The following VAT1L variants were observed in gnomAD, a reference collection of about 807,000 sequenced individuals.
The protein encoded by VAT1L is vesicle amine transport 1 like, also known as putative NADPH-dependent quinone oxidoreductase VAT1L.
VAT1L carries 34 observed loss-of-function variants against 44.1 expected under a neutral mutation model. The observed-to-expected ratio is 0.77, with a 90% CI of 0.59 to 1.03. The LOEUF is 1.03. Among genes scored for constraint, VAT1L ranks in the 50% least tolerant of loss-of-function variants. VAT1L has a pLI of 0.00. For synonymous variants in VAT1L, 253 were observed against 202.2 expected (o/e 1.25, Z -2.13); for missense variants, 615 against 538.8 (o/e 1.14, Z -1.40).
At chr16:77,845,925 G>C (rs537222970) in intron 3 of VAT1L, among the ~76,000 whole-genome samples, 104 of 152,222 alleles carry the variant, frequency 6.8e-4, no homozygotes, top group Middle Eastern at 3.4e-3. Context: ...CCATCCAGCA[G>C]CTATGCCTTA....
chr16:77,968,014 T>A lies in VAT1L; in HGVS notation c.1078-3836T>A, dbSNP rs112574563. The stretch of plus-strand genomic sequence containing the variant: ...GGTAAATTGCTTCTATTTTTGAGCA[T>A]CAGGGTACATTATCTGTAAAATGGG... On this transcript the variant is annotated intron_variant, in intron 7 of 8. Transcript: ENST00000302536. 6.6e-3 allele frequency among the ~76,000 whole-genome samples: 1,009 copies of A among 152,316 alleles called. 15 individuals are homozygous for A. Among genetic ancestry groups the A allele is most frequent in the African/African-American group, 0.023 (949 of 41,564 alleles).
intron 4 of VAT1L, among the ~76,000 whole-genome samples, chr16:77,870,210 T>C (rs1230317796): frequency 6.6e-6 from 1 of 152,174 alleles, no homozygotes; most frequent in East Asian, 1.9e-4. Flanking sequence ...GTAGGCATTG[T>C]GTCCAGTCCT....
Position 77,847,401 on chromosome 16 carries a change from T to C in VAT1L, c.580-15347T>C, listed in dbSNP as rs2016768629. Among the ~76,000 whole-genome samples the C allele has an allele frequency of 1.3e-5, 2 of 152,154 alleles. 1 individual carries two copies. Among genetic ancestry groups the C allele is most frequent in the South Asian group, 4.2e-4 (2 of 4,816 alleles). Reference sequence around the variant, plus strand: ...GTGCTTCTGACGTATAAACCTGTGGTCCTGGAAACGTATTGCCCTCATCCT... The same window carrying C: ...GTGCTTCTGACGTATAAACCTGTGGCCCTGGAAACGTATTGCCCTCATCCT... On this transcript the variant is annotated intron_variant, in intron 3 of 8. Transcript: ENST00000302536.
At chr16:77,792,570 G>A (rs2015854294) in intron 1 of VAT1L, among the ~76,000 whole-genome samples, 1 of 152,046 alleles carries the variant, frequency 6.6e-6, no homozygotes, top group East Asian at 1.9e-4. Flanking sequence ...GTCATTGGCT[G>A]TGAGCTACTT....
At chr16:77,964,377 TCCCTTCTTTAGCTTCCAGAGG>T (rs1311313359) in intron 7 of VAT1L, among the ~76,000 whole-genome samples, 3 of 152,192 alleles carry the variant, frequency 2.0e-5, no homozygotes, top group Non-Finnish European at 4.4e-5. Flanking sequence ...TTTATTTCCT[TCCCTTCTTTAGCTTCCAGAGG>T]CCACGTGCGT....
At chr16:77,890,040 T>C (rs1274164974) in intron 7 of VAT1L, among the ~76,000 whole-genome samples, 1 of 152,054 alleles carries the variant, frequency 6.6e-6, no homozygotes, top group East Asian at 1.9e-4. Flanking sequence ...TGTGCCAAGA[T>C]TGTGCCACTG....
intron 1 of VAT1L, among the ~76,000 whole-genome samples, chr16:77,802,142 C>T (rs1295770383): frequency 6.6e-6 from 1 of 152,206 alleles, no homozygotes; most frequent in East Asian, 1.9e-4. Flanking sequence ...CTGTCCTCAG[C>T]CAGCAGCACA....
chr16:77,923,484 C>G (rs2017634208), intron 7 of VAT1L, among the ~76,000 whole-genome samples: 1 of 152,070 alleles, frequency 6.6e-6, no homozygotes, highest in Non-Finnish European at 1.5e-5. Context: ...CTCAGGGGCC[C>G]AGAATCAGGT....
Position 77,949,434 on chromosome 16 carries a change from T to A in VAT1L, c.1078-22416T>A, listed in dbSNP as rs2018013372. On this transcript the variant is annotated intron_variant, in intron 7 of 8. Transcript: ENST00000302536. Reference sequence around the variant, plus strand: ...AAAGAATAGGCAATGTGCTAAGAGTTTGGATGTTTGTTCCCCAAACCTCAT... The same window carrying A: ...AAAGAATAGGCAATGTGCTAAGAGTATGGATGTTTGTTCCCCAAACCTCAT... 2.0e-5 allele frequency among the ~76,000 whole-genome samples: 3 copies of A among 152,282 alleles called. No individual in the cohort carries two copies. The South Asian group carries it at 6.2e-4, about 32-fold the overall frequency.
chr16:77,938,566 G>A (rs1405310575), intron 7 of VAT1L, among the ~76,000 whole-genome samples: 1 of 152,018 alleles, frequency 6.6e-6, no homozygotes, highest in African/African-American at 2.4e-5. Context: ...AAAAGTGTGT[G>A]GCACTTCCCC....
intron 7 of VAT1L, among the ~76,000 whole-genome samples, chr16:77,948,857 C>T (rs938865701): frequency 1.3e-5 from 2 of 152,140 alleles, no homozygotes; most frequent in Non-Finnish European, 2.9e-5. Context: ...ATGGTACATT[C>T]CTCATAGGGT....
intron 7 of VAT1L, among the ~76,000 whole-genome samples, chr16:77,967,442 T>C (rs2018235081): frequency 6.6e-6 from 1 of 152,168 alleles, no homozygotes; most frequent in African/African-American, 2.4e-5. Context: ...TCAAGAACAA[T>C]ATCATTTCTT....
At chr16:77,969,860 G>T (rs1237364447) in intron 7 of VAT1L, among the ~76,000 whole-genome samples, 1 of 151,814 alleles carries the variant, frequency 6.6e-6, no homozygotes, top group Non-Finnish European at 1.5e-5. Flanking sequence ...AAAAATAAAA[G>T]GAATCTACTG....
intron 2 of VAT1L, among the ~76,000 whole-genome samples, chr16:77,820,964 G>T (rs770065815): frequency 6.6e-6 from 1 of 152,182 alleles, no homozygotes; most frequent in Non-Finnish European, 1.5e-5. Flanking sequence ...GCAGACACTG[G>T]TTTTCCCCTT....
intron 7 of VAT1L, among the ~76,000 whole-genome samples, chr16:77,916,751 T>A (rs1013081677): frequency 6.6e-6 from 1 of 151,824 alleles, no homozygotes; most frequent in Non-Finnish European, 1.5e-5. Context: ...CATTGCTTTT[T>A]AAATTTACTC....
At chr16:77,955,728 C>G (rs369820827) in intron 7 of VAT1L, among the ~76,000 whole-genome samples, 7 of 100,012 alleles carry the variant, frequency 7.0e-5, no homozygotes, top group Non-Finnish European at 1.1e-4. Flanking sequence ...ATCCCCCCCC[C>G]CAAAAAAAAA....
chr16:77,931,158 A>G (rs760247604), intron 7 of VAT1L, among the ~76,000 whole-genome samples: 4 of 152,204 alleles, frequency 2.6e-5, no homozygotes, highest in Non-Finnish European at 4.4e-5. Context: ...CCTCGATAGA[A>G]TTATGACTCT....
At chr16:77,922,180 G>A (rs957715861) in intron 7 of VAT1L, among the ~76,000 whole-genome samples, 15 of 149,948 alleles carry the variant, frequency 1.0e-4, no homozygotes, top group African/African-American at 2.5e-4. Context: ...TTGGGATGGC[G>A]GGCGGGGGTG....
rs149032178 is a variant in VAT1L, at chr16:77,908,007, G to A, written c.1077+23205G>A. Among the ~76,000 whole-genome samples the A allele has an allele frequency of 4.6e-5, 7 of 152,270 alleles. 2 individuals carry two copies. Among genetic ancestry groups the A allele is most frequent in the African/African-American group, 2.4e-5 (1 of 41,552 alleles). Reference sequence around the variant, plus strand: ...TGTAATCCCAGCACTTTGGGAACCCGAGGCAAGTGGATCACCAGGTCAGGA... The same window carrying A: ...TGTAATCCCAGCACTTTGGGAACCCAAGGCAAGTGGATCACCAGGTCAGGA... On this transcript the variant is annotated intron_variant, in intron 7 of 8. Coordinates refer to ENST00000302536, the MANE Select transcript of VAT1L (RefSeq NM_020927.3).
Sources: gnomAD v4.1 joint callset for allele counts (sites outside exome capture counted in the v4.1 genomes callset) on GRCh38, gnomAD v4.1.1 for gene constraint, MANE v1.5 for transcripts, NCBI Gene and HGNC (gene_info 2026-07-23, HGNC 2026-07-21) for gene names.